The following CD44 variants were observed in gnomAD, a reference collection of about 807,000 sequenced individuals.
The protein encoded by CD44 is CD44 molecule (IN blood group).
A neutral mutation model predicts 88.8 loss-of-function variants in CD44; 49 were observed. The observed-to-expected ratio is 0.55, with a 90% CI of 0.44 to 0.70. CD44 has a LOEUF of 0.70. Among genes scored for constraint, CD44 ranks in the 30% least tolerant of loss-of-function variants. CD44 has a pLI of 0.00. For synonymous variants in CD44, 325 were observed against 312.3 expected, an observed-to-expected ratio of 1.04 and a Z score of -0.43; for missense variants, 883 against 913.8, an observed-to-expected ratio of 0.97 and a Z score of 0.43.
At chr11:35,139,721 A>G (rs1857525027) in intron 1 of CD44, 1 of 527,582 alleles carries the variant, frequency 1.9e-6, no homozygotes, top group Non-Finnish European at 3.7e-6. Flanking sequence ...CCTGTGCCCA[A>G]GGGCTCGCCA....
intron 1 of CD44, among the ~76,000 whole-genome samples, chr11:35,161,099 A>G (rs532834159): frequency 6.6e-6 from 1 of 152,348 alleles, no homozygotes; most frequent in African/African-American, 2.4e-5. Context: ...TAAAGAATTA[A>G]GTTAGAGTAA....
intron 5 of CD44, 24 bp from the exon 6 acceptor site, chr11:35,196,718 ACAAT>A (rs1946791795): frequency 6.2e-7 from 1 of 1,609,614 alleles, no homozygotes; most frequent in Non-Finnish European, 8.5e-7. Context: ...TAATCTTTCA[ACAAT>A]CAATTCAATC....
intron 1 of CD44, among the ~76,000 whole-genome samples, chr11:35,140,344 T>G (rs1857655408): frequency 6.6e-6 from 1 of 152,220 alleles, no homozygotes; most frequent in Non-Finnish European, 1.5e-5. Flanking sequence ...ACATGGCCGA[T>G]TTGCTTATCG....
rs1427841260 is a variant in CD44, at chr11:35,139,296, C to T, written c.-8C>T. On this transcript the variant is annotated 5_prime_UTR_variant, in exon 1 of 18. Coordinates refer to ENST00000428726, the MANE Select transcript of CD44 (RefSeq NM_000610.4). Reference sequence around the variant, plus strand: ...TTTCGCCCGCGCCCTCCGTTCGCTCCGGACACCATGGACAAGTTTTGGTGG... The same window carrying T: ...TTTCGCCCGCGCCCTCCGTTCGCTCTGGACACCATGGACAAGTTTTGGTGG... The T allele has an allele frequency of 6.4e-7, 1 of 1,557,842 alleles. No individual in the cohort carries two copies. Among genetic ancestry groups the T allele is most frequent in the Non-Finnish European group, 8.7e-7 (1 of 1,150,204 alleles).
At chr11:35,152,116 C>T (rs538721407) in intron 1 of CD44, among the ~76,000 whole-genome samples, 1 of 152,386 alleles carries the variant, frequency 6.6e-6, no homozygotes, top group Admixed American at 6.5e-5. Flanking sequence ...CCTGGAGCCT[C>T]TGCATTCTCA....
intron 1 of CD44, among the ~76,000 whole-genome samples, chr11:35,168,717 TTGCAGAATC>T (rs764109395): frequency 2.0e-5 from 3 of 152,242 alleles, no homozygotes; most frequent in Non-Finnish European, 4.4e-5. Context: ...TTAACTCATT[TTGCAGAATC>T]TGGAGACGTC....
intron 1 of CD44, among the ~76,000 whole-genome samples, chr11:35,169,939 C>T (rs1943694303): frequency 1.3e-5 from 2 of 152,300 alleles, no homozygotes; most frequent in African/African-American, 4.8e-5. Context: ...AAGGACTTCA[C>T]CACTTTGTGC....
intron 7 of CD44, among the ~76,000 whole-genome samples, chr11:35,199,948 T>C (rs990213642): frequency 6.7e-6 from 1 of 149,434 alleles, no homozygotes; most frequent in African/African-American, 2.5e-5. Context: ...TTTTTTTTTT[T>C]TTTTTTTTTT....
chr11:35,150,066 A>G (rs1424234226), intron 1 of CD44, among the ~76,000 whole-genome samples: 1 of 94,134 alleles, frequency 1.1e-5, no homozygotes, highest in East Asian at 2.3e-4. Context: ...TTTATATTGT[A>G]CTTTAAAAAC....
chr11:35,189,687 A>G (rs1946075436), intron 4 of CD44, 148 bp from the exon 5 acceptor site: 1 of 643,934 alleles, frequency 1.6e-6, no homozygotes, highest in Admixed American at 2.5e-5. Context: ...GCACTTTCTT[A>G]GTGCATCTGC....
chr11:35,180,657 G>A (rs1334858569), intron 3 of CD44, among the ~76,000 whole-genome samples: 3 of 152,178 alleles, frequency 2.0e-5, no homozygotes, highest in East Asian at 3.8e-4. Context: ...GTCACATTGG[G>A]AGAAGAATTG....
intron 3 of CD44, among the ~76,000 whole-genome samples, chr11:35,181,104 T>C (rs954002003): frequency 6.6e-6 from 1 of 152,168 alleles, no homozygotes; most frequent in Admixed American, 6.5e-5. Flanking sequence ...GGGAGTGACA[T>C]GAATCTAATG....
At chr11:35,155,681 A>G (rs990903100) in intron 1 of CD44, among the ~76,000 whole-genome samples, 1 of 152,236 alleles carries the variant, frequency 6.6e-6, no homozygotes, top group South Asian at 2.1e-4. Context: ...GAAACTCATT[A>G]CTTGCAACCC....
At chr11:35,147,987 A>C (rs551073114) in intron 1 of CD44, among the ~76,000 whole-genome samples, 2 of 152,188 alleles carry the variant, frequency 1.3e-5, no homozygotes, top group African/African-American at 4.8e-5. Context: ...GCTACTTGGG[A>C]GGCTGAGGCA....
At position 35,190,095 on chromosome 11, in the gene CD44, A is replaced by C. The variant is rs767788738; in HGVS notation, c.667+30A>C. The C allele has an allele frequency of 4.4e-6, 7 of 1,575,378 alleles. No homozygotes were observed. The African/African-American group carries it at 6.7e-5, about 15-fold the overall frequency. On this transcript the variant is annotated intron_variant, in intron 5 of 17. Coordinates refer to ENST00000428726, the MANE Select transcript of CD44 (RefSeq NM_000610.4). Reference sequence around the variant, plus strand: ...GGAGAATAAATCACTGTGCTTCCCAATAGCAATTCCCTGGCAAAATGTCTC... The same window carrying C: ...GGAGAATAAATCACTGTGCTTCCCACTAGCAATTCCCTGGCAAAATGTCTC...
At chr11:35,188,629 T>G (rs1945942239) in intron 4 of CD44, among the ~76,000 whole-genome samples, 1 of 152,146 alleles carries the variant, frequency 6.6e-6, no homozygotes, top group African/African-American at 2.4e-5. Flanking sequence ...TTTTTTTCAT[T>G]TATGTATTAT....
Position 35,196,995 on chromosome 11 carries a change from AC to A in CD44, c.796+122del, listed in dbSNP as rs1946822583. On this transcript the variant is annotated intron_variant, in intron 6 of 17. Coordinates refer to ENST00000428726, the MANE Select transcript of CD44 (RefSeq NM_000610.4). ...TCTATTCTCACAAATTTTCGTTATG[AC>A]TTCAGAAGGATCATTAACTCTGGTA... 3.1e-6 allele frequency: 3 copies of A among 969,572 alleles called. No homozygotes were observed. The African/African-American group carries it at 4.9e-5, about 16-fold the overall frequency. The allele number at this position is 969,572 out of a possible 1,614,324, so 60.1% of individuals were successfully genotyped here.
chr11:35,180,352 G>A lies in CD44; in HGVS notation c.312G>A (p.Val104=). 6.2e-7 allele frequency: 1 copy of A among 1,614,116 alleles called. No individual in the cohort carries two copies. The highest frequency in any genetic ancestry group is 8.5e-7 in the Non-Finnish European group (1 of 1,179,982). Residue 104 remains valine (V), a synonymous_variant, in exon 3 of 18, where the codon GTG becomes GTA. Transcript: ENST00000428726. ...TCTGTGCAGCAAACAACACAGGGGT[G>A]TACATCCTCACATCCAACACCTCCC... The part of the protein sequence containing the change: ...NSICAANNTG[V]YILTSNTSQY...
rs1948366505 is a variant in CD44, at chr11:35,211,306, T to C, written c.1667T>C (p.Leu556Ser). Residue 556 changes from leucine to serine, a missense_variant, in exon 14 of 18, where the codon TTA (leucine) becomes TCA (serine). By Grantham distance (145) the Leu-to-Ser change is moderately radical (BLOSUM62 -2). Transcript: ENST00000428726. Reference protein sequence around the residue: ...DPNHSEGSTTLLEGYTSHYPH... With the variant: ...DPNHSEGSTTSLEGYTSHYPH... The stretch of plus-strand genomic sequence containing the variant: ...AATCATTCTGAAGGCTCAACTACTT[T>C]ACTGGAAGGTTATACCTCTCATTAC... 6.2e-7 allele frequency: 1 copy of C among 1,613,938 alleles called. No individual in the cohort carries two copies. The highest frequency in any genetic ancestry group is 1.3e-5 in the African/African-American group (1 of 74,938).
Sources: allele counts gnomAD v4.1 joint callset (sites outside exome capture counted in the v4.1 genomes callset), GRCh38; gene constraint gnomAD v4.1.1; transcripts MANE v1.5; gene names NCBI Gene and HGNC (gene_info 2026-07-23, HGNC 2026-07-21).